The following CLTCL1 variants were observed in gnomAD, a reference collection of about 807,000 sequenced individuals.
The protein encoded by CLTCL1 is clathrin heavy chain 2.
CLTCL1 carries 159 observed loss-of-function variants against 190.0 expected under a neutral mutation model. The ratio of observed to expected loss-of-function variants is 0.84; its 90% confidence interval spans 0.74 to 0.95. The LOEUF (loss-of-function observed/expected upper bound fraction) is 0.95, where lower values mean the gene tolerates loss of function less well. Among genes scored for constraint, CLTCL1 ranks in the 40% least tolerant of loss-of-function variants. The pLI, the probability that CLTCL1 is intolerant of heterozygous loss-of-function variation, is 0.00. For synonymous variants in CLTCL1, 752 were observed against 769.6 expected, an observed-to-expected ratio of 0.98 and a Z score of 0.38; for missense variants, 1,878 against 2,033.4, an observed-to-expected ratio of 0.92 and a Z score of 1.47.
At chr22:19,270,066 C>G (rs1555979850) in intron 2 of CLTCL1, among the ~76,000 whole-genome samples, 1 of 151,752 alleles carries the variant, frequency 6.6e-6, no homozygotes, top group African/African-American at 2.4e-5. Context: ...GGAAACAATC[C>G]AAATGTCCAT....
chr22:19,233,220 G>C lies in CLTCL1; in HGVS notation c.1467C>G (p.Ile489Met), dbSNP rs782535774. The C allele has an allele frequency of 6.2e-7, 1 of 1,614,000 alleles. No individual in the cohort carries two copies. Among genetic ancestry groups the C allele is most frequent in the Non-Finnish European group, 8.5e-7 (1 of 1,179,874 alleles). The change falls in exon 9 of 33, where the codon ATC (isoleucine) becomes ATG (methionine). Residue 489 changes from isoleucine to methionine, a missense_variant. Transcript: ENST00000427926. ...ATTGGCCTGTTTCTGCAAAACACTGGATCACTTTGCTTGGCACATTTGCCC... is the reference window on the plus strand; with the variant it reads ...ATTGGCCTGTTTCTGCAAAACACTGCATCACTTTGCTTGGCACATTTGCCC... ...YLRANVPSKV[I>M]QCFAETGQFQ... is the part of the protein sequence containing the mutation.
At chr22:19,222,919 C>G in intron 14 of CLTCL1, 110 bp from the exon 15 acceptor site, 1 of 1,329,950 alleles carries the variant, frequency 7.5e-7, no homozygotes, top group Non-Finnish European at 1.0e-6. Flanking sequence ...GAGTGACACA[C>G]AGGAGACTCA....
intron 29 of CLTCL1, among the ~76,000 whole-genome samples, chr22:19,185,837 C>T (rs1386527170): frequency 2.0e-5 from 3 of 152,190 alleles, no homozygotes; most frequent in Admixed American, 6.5e-5. Context: ...ATCAGCCAGC[C>T]GAGGGCAGCC....
rs1555951505 is a variant in CLTCL1, at chr22:19,220,001, T to C, written c.2803A>G (p.Asn935Asp). 3.7e-6 allele frequency: 6 copies of C among 1,613,954 alleles called. No individual in the cohort carries two copies. In the South Asian group the frequency reaches 6.6e-5, roughly 18 times the overall value. Reference sequence around the variant, plus strand: ...TCGCTTTTGAACAGAGAATTCTCATTGCACACCTGAAATGAGCACACTCAT... The same window carrying C: ...TCGCTTTTGAACAGAGAATTCTCATCGCACACCTGAAATGAGCACACTCAT... Reference protein sequence around the residue: ...QCDLELIKVCNENSLFKSEAR... With the variant: ...QCDLELIKVCDENSLFKSEAR... The change falls in exon 18 of 33, where the codon AAT becomes GAT. Residue 935 changes from asparagine (N) to aspartate (D), a missense_variant. Coordinates refer to ENST00000427926, the MANE Select transcript of CLTCL1 (RefSeq NM_007098.4).
At position 19,233,391 on chromosome 22, in the gene CLTCL1, G is replaced by A. The variant is rs200765462; in HGVS notation, c.1368+31C>T. The A allele has an allele frequency of 1.3e-4, 205 of 1,612,298 alleles. 1 individual carries two copies. The African/African-American group carries it at 2.1e-3, about 17-fold the overall frequency. Reference sequence around the variant, plus strand: ...CCTGGACCAAGTTTTCAAGCTGTGCGGGGGGGCTACGAGCTCACAAGTGTT... The same window carrying A: ...CCTGGACCAAGTTTTCAAGCTGTGCAGGGGGGCTACGAGCTCACAAGTGTT... On this transcript the variant is annotated intron_variant, in intron 8 of 32. Transcript: ENST00000427926.
intron 22 of CLTCL1, among the ~76,000 whole-genome samples, chr22:19,204,457 C>A (rs1569166390): frequency 6.6e-6 from 1 of 152,150 alleles, no homozygotes; most frequent in Non-Finnish European, 1.5e-5. Context: ...ACACCCACAC[C>A]GTTCCAACGC....
intron 2 of CLTCL1, among the ~76,000 whole-genome samples, chr22:19,274,218 T>C (rs2087420704): frequency 6.6e-6 from 1 of 152,088 alleles, no homozygotes; most frequent in Non-Finnish European, 1.5e-5. Flanking sequence ...TCCAAGCACT[T>C]TGAGAGGCCA....
chr22:19,188,229 G>A (rs902748831), intron 27 of CLTCL1, 138 bp from the exon 28 acceptor site: 5 of 729,656 alleles, frequency 6.9e-6, no homozygotes, highest in Admixed American at 2.4e-5. Context: ...TGGACACCTA[G>A]AACCAAAAGA....
chr22:19,272,764 G>A (rs2087365580), intron 2 of CLTCL1, among the ~76,000 whole-genome samples: 1 of 152,118 alleles, frequency 6.6e-6, no homozygotes, highest in Non-Finnish European at 1.5e-5. Context: ...GAGCCACCAC[G>A]CCCGGCCTTA....
chr22:19,221,290 C>A, intron 17 of CLTCL1, 87 bp downstream of exon 17: 1 of 996,928 alleles, frequency 1.0e-6, no homozygotes, highest in Non-Finnish European at 1.5e-6. Flanking sequence ...GCACAGAAAG[C>A]CCTGATCAGC....
intron 20 of CLTCL1, 57 bp from the exon 21 acceptor site, chr22:19,209,171 A>C: frequency 6.8e-7 from 1 of 1,464,508 alleles, no homozygotes; most frequent in Non-Finnish European, 9.2e-7. Context: ...TCCAAAAAAC[A>C]GACACATTTT....
At chr22:19,184,429 C>G (rs963205954) in intron 29 of CLTCL1, 2 of 455,416 alleles carry the variant, frequency 4.4e-6, no homozygotes, top group Non-Finnish European at 8.8e-6. Flanking sequence ...CCTGAGGACG[C>G]CCAGTGCCCA....
chr22:19,214,273 T>C (rs2085319312), intron 19 of CLTCL1, among the ~76,000 whole-genome samples: 1 of 151,948 alleles, frequency 6.6e-6, no homozygotes, highest in Non-Finnish European at 1.5e-5. Context: ...ATTAGGAGAG[T>C]GGGGTTCCTG....
intron 14 of CLTCL1, 25 bp from the exon 15 acceptor site, chr22:19,222,834 A>T (rs1449232030): frequency 6.3e-7 from 1 of 1,581,594 alleles, no homozygotes; most frequent in Admixed American, 1.8e-5. Flanking sequence ...GCACAGAACA[A>T]GTCAGGGAGT....
chr22:19,242,510 G>A lies in CLTCL1; in HGVS notation c.681+265C>T, dbSNP rs549457236. On this transcript the variant is annotated intron_variant, in intron 4 of 32. Transcript: ENST00000427926. ...GGGGTTTCACCACGTTGGCCAGGCT[G>A]TTCTTGAACTCCTGACCTCGTGATC... Among the ~76,000 whole-genome samples, 9 of 152,236 alleles carry A rather than the reference G, an allele frequency of 5.9e-5. No individual in the cohort carries two copies. The East Asian group carries it at 1.5e-3, about 26-fold the overall frequency.
intron 26 of CLTCL1, among the ~76,000 whole-genome samples, chr22:19,192,361 A>C (rs1008819319): frequency 6.6e-6 from 1 of 152,186 alleles, no homozygotes; most frequent in Non-Finnish European, 1.5e-5. Context: ...CACCGCGCCC[A>C]GCCCTGGCGA....
At chr22:19,253,248 G>A (rs1023458488) in intron 3 of CLTCL1, among the ~76,000 whole-genome samples, 5 of 152,058 alleles carry the variant, frequency 3.3e-5, no homozygotes, top group Admixed American at 2.0e-4. Context: ...GCAGACACAC[G>A]GGGGCCAGAG....
At chr22:19,280,465 G>T (rs1434417861) in intron 1 of CLTCL1, among the ~76,000 whole-genome samples, 12 of 151,940 alleles carry the variant, frequency 7.9e-5, no homozygotes, top group African/African-American at 2.7e-4. Context: ...GCCTTAAAAA[G>T]GAAGGAAATT....
Position 19,221,954 on chromosome 22 carries a change from TTTC to T in CLTCL1, c.2555_2557del (p.Arg852del). ...ACACCAAGTAAGGACACCTTACCTA[TTTC>T]TTTTTTCTACTTCAGCCACCAACTC... On this transcript the variant is annotated inframe_deletion, in exon 16 of 33. Coordinates refer to ENST00000427926, the MANE Select transcript of CLTCL1 (RefSeq NM_007098.4). The T allele has an allele frequency of 1.2e-6, 2 of 1,613,882 alleles. No homozygotes were observed. Among genetic ancestry groups the T allele is most frequent in the African/African-American group, 2.7e-5 (2 of 75,024 alleles).
Sources: allele counts gnomAD v4.1 joint callset (sites outside exome capture counted in the v4.1 genomes callset), GRCh38; gene constraint gnomAD v4.1.1; transcripts MANE v1.5; gene names NCBI Gene and HGNC (gene_info 2026-07-23, HGNC 2026-07-21).